The following SHOC2 variants were observed in gnomAD, a reference collection of about 807,000 sequenced individuals.
SHOC2 encodes leucine-rich repeat protein SHOC-2.
SHOC2 carries 4 observed loss-of-function variants against 50.2 expected under a neutral mutation model. That is an observed-to-expected ratio of 0.08 (90% CI 0.04 to 0.18). The LOEUF is 0.18. SHOC2 is among the 10% of genes least tolerant of loss of function. The probability of loss-of-function intolerance (pLI) is 1.00; values close to 1 mark genes in which losing one functional copy is unlikely to be tolerated. For missense variants in SHOC2, 388 were observed against 669.6 expected, an observed-to-expected ratio of 0.58 and a Z score of 4.64; for synonymous variants, 218 against 244.5, an observed-to-expected ratio of 0.89 and a Z score of 1.01.
chr10:110,923,860 A>G (rs1364523587), intron 1 of SHOC2, among the ~76,000 whole-genome samples: 1 of 152,178 alleles, frequency 6.6e-6, no homozygotes, highest in Non-Finnish European at 1.5e-5. Flanking sequence ...TTTGCCCTCA[A>G]TTACTATTTA....
chr10:110,972,813 G>C (rs542254662), intron 2 of SHOC2, among the ~76,000 whole-genome samples: 1 of 152,234 alleles, frequency 6.6e-6, no homozygotes, highest in East Asian at 1.9e-4. Context: ...GTCCAGCCTG[G>C]GTGGCAGAGA....
chr10:110,989,634 C>T (rs1218348496), intron 3 of SHOC2, among the ~76,000 whole-genome samples: 1 of 152,052 alleles, frequency 6.6e-6, no homozygotes, highest in Admixed American at 6.5e-5. Context: ...TTCTTTTTTC[C>T]CCATGATAAG....
intron 1 of SHOC2, among the ~76,000 whole-genome samples, chr10:110,947,653 A>T (rs954616410): frequency 6.6e-6 from 1 of 152,198 alleles, no homozygotes; most frequent in Non-Finnish European, 1.5e-5. Context: ...GATTGAAATT[A>T]AATTTTTATC....
chr10:110,995,218 A>G (rs1315560143), intron 3 of SHOC2, among the ~76,000 whole-genome samples: 1 of 152,250 alleles, frequency 6.6e-6, no homozygotes, highest in Admixed American at 6.5e-5. Flanking sequence ...GAAGTATAGC[A>G]AAGCTCCTCA....
intron 8 of SHOC2, among the ~76,000 whole-genome samples, chr10:111,010,960 A>G (rs141107830): frequency 4.6e-5 from 7 of 152,328 alleles, no homozygotes; most frequent in Non-Finnish European, 1.0e-4. Flanking sequence ...TTGGAAACAC[A>G]TGAGGCAAAT....
At chr10:110,976,100 G>A (rs773785006) in intron 2 of SHOC2, among the ~76,000 whole-genome samples, 16 of 151,838 alleles carry the variant, frequency 1.1e-4, no homozygotes, top group Non-Finnish European at 1.9e-4. Flanking sequence ...TAGTAGAGAC[G>A]GGGTTTCACC....
intron 1 of SHOC2, among the ~76,000 whole-genome samples, chr10:110,944,739 A>C (rs1590789334): frequency 6.6e-6 from 1 of 152,200 alleles, no homozygotes; most frequent in Non-Finnish European, 1.5e-5. Context: ...TGCAAACTCT[A>C]TTTGATGTGT....
rs1177014108 is a variant in SHOC2, at chr10:110,974,405, T to C, written c.703+9344T>C. ...CTATATTCTGTTGTTTTTTGGAGGA[T>C]TGTAAAAATATCAGCAAGGTCAAGG... On this transcript the variant is annotated intron_variant, in intron 2 of 8. Transcript: ENST00000369452. Among the ~76,000 whole-genome samples the C allele has an allele frequency of 6.6e-5, 10 of 152,248 alleles. No individual in the cohort carries two copies. The East Asian group carries it at 1.7e-3, about 26-fold the overall frequency.
intron 3 of SHOC2, chr10:110,986,013 T>C: frequency 2.5e-6 from 1 of 402,030 alleles, no homozygotes; most frequent in Non-Finnish European, 4.6e-6. Flanking sequence ...GTATATATAT[T>C]CTGTCATAGT....
intron 1 of SHOC2, among the ~76,000 whole-genome samples, chr10:110,953,762 T>G (rs992694884): frequency 1.3e-5 from 2 of 151,784 alleles, no homozygotes; most frequent in African/African-American, 4.8e-5. Context: ...ATAGGTTTGA[T>G]GTGTATATAT....
intron 1 of SHOC2, among the ~76,000 whole-genome samples, chr10:110,940,840 CTCTT>C (rs1554854724): frequency 2.0e-5 from 3 of 150,634 alleles, no homozygotes; most frequent in Non-Finnish European, 4.4e-5. Flanking sequence ...GATTCACACA[CTCTT>C]TCTATAGATT....
chr10:110,982,791 G>T (rs1056442739), intron 2 of SHOC2, among the ~76,000 whole-genome samples: 1 of 152,010 alleles, frequency 6.6e-6, no homozygotes, highest in Admixed American at 6.5e-5. Context: ...GAGAGACATT[G>T]ATTTATAGTT....
At chr10:111,002,966 G>T (rs1395678912) in intron 4 of SHOC2, among the ~76,000 whole-genome samples, 1 of 152,208 alleles carries the variant, frequency 6.6e-6, no homozygotes, top group African/African-American at 2.4e-5. Flanking sequence ...ATGAGGCTCA[G>T]TAAAACTCCT....
intron 2 of SHOC2, among the ~76,000 whole-genome samples, chr10:110,965,636 G>A (rs911165901): frequency 1.3e-5 from 2 of 152,026 alleles, no homozygotes; most frequent in African/African-American, 2.4e-5. Flanking sequence ...TAGAAGAAAC[G>A]TCACCTGTAG....
At chr10:110,955,353 TA>T (rs1300120675) in intron 1 of SHOC2, among the ~76,000 whole-genome samples, 7 of 152,348 alleles carry the variant, frequency 4.6e-5, no homozygotes, top group Non-Finnish European at 8.8e-5. Context: ...GGAATAGGAA[TA>T]ACTCTTAAGT....
intron 1 of SHOC2, among the ~76,000 whole-genome samples, chr10:110,932,272 T>C (rs1846910821): frequency 6.6e-6 from 1 of 152,192 alleles, no homozygotes; most frequent in African/African-American, 2.4e-5. Flanking sequence ...GACATGTGAA[T>C]TATTATTAAG....
intron 1 of SHOC2, among the ~76,000 whole-genome samples, chr10:110,937,810 T>C (rs113851458): frequency 1.3e-5 from 2 of 152,222 alleles, no homozygotes; most frequent in African/African-American, 4.8e-5. Context: ...TTTGTAGTTA[T>C]GAAGTCTTGT....
At chr10:110,989,358 A>C (rs1848139968) in intron 3 of SHOC2, among the ~76,000 whole-genome samples, 1 of 152,214 alleles carries the variant, frequency 6.6e-6, no homozygotes, top group Non-Finnish European at 1.5e-5. Flanking sequence ...GTTTATCAGC[A>C]GTCCTGTTGC....
At chr10:110,924,648 C>T (rs1407688609) in intron 1 of SHOC2, among the ~76,000 whole-genome samples, 1 of 152,032 alleles carries the variant, frequency 6.6e-6, no homozygotes, top group Non-Finnish European at 1.5e-5. Flanking sequence ...AAAACTTCAC[C>T]TTCAACACCT....
Sources: gnomAD v4.1 joint callset for allele counts (sites outside exome capture counted in the v4.1 genomes callset) on GRCh38, gnomAD v4.1.1 for gene constraint, MANE v1.5 for transcripts, NCBI Gene and HGNC (gene_info 2026-07-23, HGNC 2026-07-21) for gene names.